The following PTPRC variants were observed in gnomAD, a reference collection of about 807,000 sequenced individuals.
PTPRC encodes the protein receptor-type tyrosine-protein phosphatase C.
A neutral mutation model predicts 155.9 loss-of-function variants in PTPRC; 44 were observed. The observed-to-expected ratio is 0.28, with a 90% confidence interval of 0.22 to 0.36. PTPRC has a LOEUF of 0.36. PTPRC is among the 10% of genes least tolerant of loss of function. The pLI is 1.00. For synonymous variants in PTPRC, 525 were observed against 533.1 expected (o/e 0.98, Z 0.21); for missense variants, 1,401 against 1,564.6 (o/e 0.90, Z 1.76).
intron 2 of PTPRC, among the ~76,000 whole-genome samples, chr1:198,659,432 G>A (rs143669671): frequency 1.8e-3 from 271 of 152,306 alleles, no homozygotes; most frequent in Non-Finnish European, 3.3e-3. Context: ...ATGCAGTGGA[G>A]GGACAGAGGG....
intron 2 of PTPRC, among the ~76,000 whole-genome samples, chr1:198,655,311 C>T (rs1663499299): frequency 6.6e-6 from 1 of 151,776 alleles, no homozygotes; most frequent in South Asian, 2.1e-4. Flanking sequence ...ATTATTTATA[C>T]AACAATTAAT....
chr1:198,748,606 A>G (rs772887213), intron 27 of PTPRC, among the ~76,000 whole-genome samples: 1 of 151,766 alleles, frequency 6.6e-6, no homozygotes, highest in African/African-American at 2.4e-5. Context: ...TTTCCTTTTT[A>G]TCCCTTATAA....
chr1:198,717,478 C>G (rs1369739796), intron 13 of PTPRC, among the ~76,000 whole-genome samples: 1 of 152,184 alleles, frequency 6.6e-6, no homozygotes, highest in East Asian at 1.9e-4. Context: ...AAGGCAGCAT[C>G]TATAGCTCCA....
intron 13 of PTPRC, among the ~76,000 whole-genome samples, chr1:198,717,644 A>C (rs1370101138): frequency 1.3e-5 from 2 of 152,230 alleles, no homozygotes; most frequent in African/African-American, 2.4e-5. Context: ...TCACAGAAAA[A>C]GAAGACAATT....
At chr1:198,755,735 C>T (rs569696873) in intron 32 of PTPRC, among the ~76,000 whole-genome samples, 171 bp from the exon 33 acceptor site, 1 of 151,960 alleles carries the variant, frequency 6.6e-6, no homozygotes, top group Non-Finnish European at 1.5e-5. Context: ...CCCTTTAGCA[C>T]CATAAAGAAA....
intron 7 of PTPRC, 49 bp from the exon 8 acceptor site, chr1:198,704,423 T>C (rs371820047): frequency 1.2e-6 from 2 of 1,612,832 alleles, no homozygotes; most frequent in East Asian, 4.5e-5. Flanking sequence ...ACATGGCAGA[T>C]ATTCTAAAGC....
rs1663957251 is a variant in PTPRC, at chr1:198,661,447, T to A, written c.73+22106T>A. ...TGCATTTTTACAAATCTTTTAAATG[T>A]CTGTCTGAATAATAGATAGCTGGAT... On this transcript the variant is annotated intron_variant, in intron 2 of 32. Transcript: ENST00000442510. Among the ~76,000 whole-genome samples the A allele has an allele frequency of 2.0e-5, 3 of 151,840 alleles. No individual in the cohort carries two copies. The South Asian group carries it at 6.2e-4, about 31-fold the overall frequency.
chr1:198,696,685 C>T (rs1285247478), intron 3 of PTPRC, 27 bp from the exon 4 acceptor site: 15 of 1,578,992 alleles, frequency 9.5e-6, no homozygotes, highest in Middle Eastern at 1.7e-4. Flanking sequence ...TTATTTTGTC[C>T]TTCTCCCATT....
rs570934596 is a variant in PTPRC at position 198,661,694 on chromosome 1, C to T, written c.73+22353C>T. 3.9e-5 allele frequency among the ~76,000 whole-genome samples: 6 copies of T among 152,126 alleles called. 1 individual carries two copies. In the South Asian group the frequency reaches 1.2e-3, roughly 32 times the overall value. On this transcript the variant is annotated intron_variant, in intron 2 of 32. Coordinates refer to ENST00000442510, the MANE Select transcript of PTPRC (RefSeq NM_002838.5). The stretch of plus-strand genomic sequence containing the variant: ...GGGACTATCTTGAGTCTCCAGAAAA[C>T]ACTGAGAACCACTGATACGCCAACA...
At chr1:198,645,177 C>G (rs763269985) in intron 2 of PTPRC, among the ~76,000 whole-genome samples, 10 of 151,742 alleles carry the variant, frequency 6.6e-5, no homozygotes, top group Admixed American at 1.3e-4. Context: ...ATAGAAATCA[C>G]TGATAGACAA....
chr1:198,738,002 A>G (rs1219283371), intron 23 of PTPRC, among the ~76,000 whole-genome samples: 1 of 151,672 alleles, frequency 6.6e-6, no homozygotes. Context: ...TTTAATGTTG[A>G]TTTTATATCT....
chr1:198,719,341 C>T (rs1653764662), intron 14 of PTPRC, among the ~76,000 whole-genome samples: 1 of 151,982 alleles, frequency 6.6e-6, no homozygotes. Context: ...CCTCTTTTAT[C>T]CAGTTTTCTC....
At chr1:198,696,519 G>A (rs1433742886) in intron 3 of PTPRC, among the ~76,000 whole-genome samples, 193 bp from the exon 4 acceptor site, 4 of 151,888 alleles carry the variant, frequency 2.6e-5, no homozygotes, top group Non-Finnish European at 5.9e-5. Context: ...ATGCATATAT[G>A]TGTATGTATA....
intron 2 of PTPRC, among the ~76,000 whole-genome samples, chr1:198,689,734 A>G (rs951693065): frequency 1.3e-5 from 2 of 152,108 alleles, no homozygotes; most frequent in Admixed American, 1.3e-4. Flanking sequence ...TTACTTATCA[A>G]TCACTTCTTA....
At chr1:198,642,760 TA>T (rs1485924607) in intron 2 of PTPRC, among the ~76,000 whole-genome samples, 2 of 151,858 alleles carry the variant, frequency 1.3e-5, no homozygotes, top group African/African-American at 2.4e-5. Context: ...GCTTAAAAAG[TA>T]AAATAAAAAG....
intron 23 of PTPRC, among the ~76,000 whole-genome samples, chr1:198,739,025 A>G (rs1019296038): frequency 6.6e-5 from 10 of 151,908 alleles, no homozygotes; most frequent in African/African-American, 2.4e-4. Context: ...TCAGTGTAAA[A>G]TAATGCATTA....
intron 2 of PTPRC, among the ~76,000 whole-genome samples, chr1:198,662,899 T>C (rs1664059142): frequency 6.6e-6 from 1 of 152,186 alleles, no homozygotes; most frequent in Non-Finnish European, 1.5e-5. Flanking sequence ...ACGCTTTCAT[T>C]CTGAACTAAC....
At chr1:198,719,388 T>C (rs1489805985) in intron 14 of PTPRC, among the ~76,000 whole-genome samples, 1 of 152,208 alleles carries the variant, frequency 6.6e-6, no homozygotes, top group African/African-American at 2.4e-5. Flanking sequence ...TATTAAACTC[T>C]TTGTCACATG....
intron 3 of PTPRC, 105 bp downstream of exon 3, chr1:198,692,478 TA>T: frequency 1.7e-6 from 2 of 1,153,560 alleles, no homozygotes; most frequent in South Asian, 2.8e-5. Flanking sequence ...TTTTTAAGGA[TA>T]AATTTTATAA....
Sources: gnomAD v4.1 joint callset for allele counts (sites outside exome capture counted in the v4.1 genomes callset) on GRCh38, gnomAD v4.1.1 for gene constraint, MANE v1.5 for transcripts, NCBI Gene and HGNC (gene_info 2026-07-23, HGNC 2026-07-21) for gene names.